The following EPHA4 variants were observed in gnomAD, a reference collection of about 807,000 sequenced individuals.
EPHA4 encodes ephrin type-A receptor 4.
In EPHA4, 19 loss-of-function variants were observed where a neutral mutation model predicts 108.3. The observed-to-expected ratio is 0.18, with a 90% CI of 0.12 to 0.26. The LOEUF (loss-of-function observed/expected upper bound fraction) is 0.26. EPHA4 is among the 10% of genes least tolerant of loss of function. EPHA4 has a pLI of 1.00. For missense variants in EPHA4, 917 were observed against 1,254.0 expected, an observed-to-expected ratio of 0.73 and a Z score of 4.06; for synonymous variants, 449 against 455.5, an observed-to-expected ratio of 0.99 and a Z score of 0.18.
At chr2:221,447,757 A>G (rs1388031820) in intron 8 of EPHA4, among the ~76,000 whole-genome samples, 1 of 152,208 alleles carries the variant, frequency 6.6e-6, no homozygotes, top group African/African-American at 2.4e-5. Flanking sequence ...TGTGAAGTAC[A>G]GTATTTCAGT....
intron 3 of EPHA4, among the ~76,000 whole-genome samples, chr2:221,535,304 T>C (rs1693634631): frequency 1.3e-5 from 2 of 152,196 alleles, no homozygotes; most frequent in Non-Finnish European, 2.9e-5. Context: ...AAAGTGTACA[T>C]TTGTAATCAG....
Position 221,434,305 on chromosome 2 carries a change from A to G in EPHA4, c.2347-14T>C. 1 of 1,613,060 alleles carries G rather than the reference A, an allele frequency of 6.2e-7. No homozygotes were observed. On this transcript the variant is annotated splice_polypyrimidine_tract_variant and intron_variant, in intron 13 of 17. Coordinates refer to ENST00000281821, the MANE Select transcript of EPHA4 (RefSeq NM_004438.5). ...AATCTTGCCACCCTGTGAACATTTG[A>G]GCCATAAGTTATTCCTTAAGTACAT...
intron 3 of EPHA4, among the ~76,000 whole-genome samples, chr2:221,524,193 G>A (rs74406592): frequency 0.026 from 3,983 of 152,246 alleles, 71 homozygotes; most frequent in Non-Finnish European, 0.038. Flanking sequence ...GTCCAGCCAC[G>A]TCCGTGTGCT....
intron 3 of EPHA4, among the ~76,000 whole-genome samples, chr2:221,521,699 G>A (rs956343423): frequency 1.3e-5 from 2 of 152,112 alleles, no homozygotes; most frequent in African/African-American, 4.8e-5. Flanking sequence ...ACAAAGCCAG[G>A]AGCAATGACT....
At chr2:221,492,838 G>A (rs976245804) in intron 4 of EPHA4, among the ~76,000 whole-genome samples, 5 of 152,224 alleles carry the variant, frequency 3.3e-5, no homozygotes, top group Non-Finnish European at 7.3e-5. Flanking sequence ...TAATCTGGCA[G>A]TGGAGGAGTT....
At position 221,420,039 on chromosome 2, in the gene EPHA4, T is replaced by C. The variant is rs2106082198; in HGVS notation, c.*1333A>G. Reference sequence around the variant, plus strand: ...ATTTAGTCTAAGAAAAAAATATATTTATATCACTGCAATGGCACACCCTGG... The same window carrying C: ...ATTTAGTCTAAGAAAAAAATATATTCATATCACTGCAATGGCACACCCTGG... On this transcript the variant is annotated 3_prime_UTR_variant, in exon 18 of 18. Transcript: ENST00000281821. 6.6e-6 allele frequency: 1 copy of C among 152,610 alleles called. No individual in the cohort carries two copies. Among genetic ancestry groups the C allele is most frequent in the East Asian group, 1.9e-4 (1 of 5,196 alleles). The allele number at this position is 152,610 out of a possible 1,614,324, so 9.5% of individuals were successfully genotyped here. A position where few individuals can be genotyped will look rare whatever the true frequency, so the allele number is the denominator to read the frequency against.
At chr2:221,424,825 A>T (rs1689851802) in intron 17 of EPHA4, among the ~76,000 whole-genome samples, 1 of 152,202 alleles carries the variant, frequency 6.6e-6, no homozygotes, top group Admixed American at 6.5e-5. Context: ...ACAAGGTTAG[A>T]GAGAAAGCCT....
At chr2:221,466,882 C>T (rs1691328781) in intron 5 of EPHA4, among the ~76,000 whole-genome samples, 2 of 150,678 alleles carry the variant, frequency 1.3e-5, no homozygotes, top group African/African-American at 2.5e-5. Context: ...GATCTCTGCC[C>T]CTCCTTTCCA....
chr2:221,424,198 T>G (rs1001711952), intron 17 of EPHA4, among the ~76,000 whole-genome samples: 3 of 151,892 alleles, frequency 2.0e-5, no homozygotes, highest in Non-Finnish European at 2.9e-5. Context: ...TTGTCAGCTT[T>G]TAACGTGAAT....
chr2:221,544,577 C>T (rs1045321718), intron 3 of EPHA4, among the ~76,000 whole-genome samples: 4 of 152,264 alleles, frequency 2.6e-5, no homozygotes, highest in African/African-American at 4.8e-5. Context: ...CCACGCGTAT[C>T]GGCCTCCCAA....
At position 221,465,130 on chromosome 2, in the gene EPHA4, C is replaced by T. The variant is rs13402452; in HGVS notation, c.1319-7140G>A. On this transcript the variant is annotated intron_variant, in intron 5 of 17. Transcript: ENST00000281821. ...ACTATAAAATAAAGCAGTGCACAGC[C>T]ACATTATCCTTCAGCAATATTTACT... 4.0e-3 allele frequency among the ~76,000 whole-genome samples: 604 copies of T among 152,056 alleles called. 4 individuals carry two copies. Among genetic ancestry groups the T allele is most frequent in the African/African-American group, 0.014 (585 of 41,466 alleles).
At chr2:221,502,649 C>T in intron 3 of EPHA4, 1 of 467,750 alleles carries the variant, frequency 2.1e-6, no homozygotes, top group South Asian at 1.6e-5. Flanking sequence ...AAGTCTGTTC[C>T]ACCCACTCGC....
chr2:221,462,930 T>C (rs1691194077), intron 5 of EPHA4, among the ~76,000 whole-genome samples: 1 of 152,222 alleles, frequency 6.6e-6, no homozygotes. Context: ...ATGCAAATAG[T>C]TCTCCTGACT....
chr2:221,520,624 T>C (rs948909400), intron 3 of EPHA4, among the ~76,000 whole-genome samples: 1 of 151,858 alleles, frequency 6.6e-6, no homozygotes, highest in Non-Finnish European at 1.5e-5. Context: ...ATCTTAAATA[T>C]AATAGATGTA....
At chr2:221,503,142 A>G (rs1692528287) in intron 3 of EPHA4, among the ~76,000 whole-genome samples, 1 of 152,232 alleles carries the variant, frequency 6.6e-6, no homozygotes, top group Admixed American at 6.5e-5. Flanking sequence ...TCACTCAGTC[A>G]GTCGCAGTCG....
Position 221,419,198 on chromosome 2 carries a change from C to T in EPHA4, c.*2174G>A, listed in dbSNP as rs1167863985. On this transcript the variant is annotated 3_prime_UTR_variant, in exon 18 of 18. Transcript: ENST00000281821. ...CTGGAGTTTGGTATACATATCATATCAATACTGAATCTTCACACTCCGGAG... is the reference window on the plus strand; with the variant it reads ...CTGGAGTTTGGTATACATATCATATTAATACTGAATCTTCACACTCCGGAG... 1.3e-5 allele frequency: 2 copies of T among 152,602 alleles called. No individual in the cohort carries two copies. Among genetic ancestry groups the T allele is most frequent in the Non-Finnish European group, 2.9e-5 (2 of 68,044 alleles). The allele number at this position is 152,602 out of a possible 1,614,324, so 9.5% of individuals were successfully genotyped here.
At chr2:221,480,513 T>C (rs1457901820) in intron 5 of EPHA4, among the ~76,000 whole-genome samples, 3 of 152,170 alleles carry the variant, frequency 2.0e-5, no homozygotes, top group African/African-American at 7.2e-5. Flanking sequence ...CTGTATGTAA[T>C]ATTTCCATTG....
At chr2:221,524,177 A>G (rs941327148) in intron 3 of EPHA4, among the ~76,000 whole-genome samples, 2 of 152,334 alleles carry the variant, frequency 1.3e-5, no homozygotes, top group African/African-American at 4.8e-5. Flanking sequence ...ACTCCAGAGC[A>G]AAGATGTCCA....
At chr2:221,502,554 T>C (rs1340325363) in intron 3 of EPHA4, 1 of 471,334 alleles carries the variant, frequency 2.1e-6, no homozygotes, top group Non-Finnish European at 4.4e-6. Context: ...AAGAGATCCA[T>C]GAAACTGCTT....
Sources: gnomAD v4.1 joint callset for allele counts (sites outside exome capture counted in the v4.1 genomes callset) on GRCh38, gnomAD v4.1.1 for gene constraint, MANE v1.5 for transcripts, NCBI Gene and HGNC (gene_info 2026-07-23, HGNC 2026-07-21) for gene names.